The following LAMTOR1 variants were observed in gnomAD, a reference collection of about 807,000 sequenced individuals.
The protein encoded by LAMTOR1 is ragulator complex protein LAMTOR1.
Under a neutral mutation model 20.5 loss-of-function variants are expected in LAMTOR1, and 8 were observed. That is an observed-to-expected ratio of 0.39 (90% CI 0.23 to 0.70). The LOEUF (loss-of-function observed/expected upper bound fraction) is 0.70, where lower values mean the gene tolerates loss of function less well. Among genes scored for constraint, LAMTOR1 ranks in the 30% least tolerant of loss-of-function variants. The probability of loss-of-function intolerance (pLI) is 0.43; values close to 1 mark genes in which losing one functional copy is unlikely to be tolerated. For missense variants in LAMTOR1, 135 were observed against 206.2 expected, an observed-to-expected ratio of 0.65 and a Z score of 2.11; for synonymous variants, 77 against 80.9, an observed-to-expected ratio of 0.95 and a Z score of 0.26.
At chr11:72,098,216 G>C (rs1384722349) in intron 4 of LAMTOR1, 73 bp downstream of exon 4, 2 of 1,581,754 alleles carry the variant, frequency 1.3e-6, no homozygotes, top group Non-Finnish European at 8.6e-7. Flanking sequence ...CTCTGAGGCA[G>C]AGTGGGTGAA....
At chr11:72,098,679 C>T in intron 3 of LAMTOR1, 102 bp downstream of exon 3, 1 of 923,198 alleles carries the variant, frequency 1.1e-6, no homozygotes, top group Non-Finnish European at 1.6e-6. Context: ...AGGGCTGCAC[C>T]AAATGAGAAG....
intron 4 of LAMTOR1, 158 bp from the exon 5 acceptor site, chr11:72,098,072 A>G (rs1945293734): frequency 9.4e-7 from 1 of 1,060,828 alleles, no homozygotes; most frequent in African/African-American, 1.6e-5. Context: ...ACAGAAGGAA[A>G]AGAACAAAGG....
In LAMTOR1 at chr11:72,099,111, C is replaced by T; in HGVS notation, c.188G>A (p.Ser63Asn). The T allele has an allele frequency of 2.5e-6, 4 of 1,613,862 alleles. No homozygotes were observed. Among genetic ancestry groups the T allele is most frequent in the Non-Finnish European group, 1.7e-6 (2 of 1,179,982 alleles). Residue 63 changes from serine to asparagine, a missense_variant and splice_region_variant, in exon 2 of 5, where the codon AGC becomes AAC. Physicochemically the swap from Ser to Asn is conservative, Grantham distance 46 (BLOSUM62 1). Coordinates refer to ENST00000278671, the MANE Select transcript of LAMTOR1 (RefSeq NM_017907.3). Reference sequence around the variant, plus strand: ...CCAGGCCTGGTCCTCTGACACTTACCTGGCTGTCTTGGCAAGGATGGAAGA... The same window carrying T: ...CCAGGCCTGGTCCTCTGACACTTACTTGGCTGTCTTGGCAAGGATGGAAGA... ...LLSSILAKTA[S>N]NIIDVSAADS...
At chr11:72,098,077 C>T (rs996976220) in intron 4 of LAMTOR1, 163 bp from the exon 5 acceptor site, 41 of 1,040,790 alleles carry the variant, frequency 3.9e-5, no homozygotes, top group African/African-American at 8.0e-5. Context: ...AGGAAAAGAA[C>T]AAAGGGGAGT....
chr11:72,097,749 G>T lies in LAMTOR1; in HGVS notation c.*73C>A. 6.2e-7 allele frequency: 1 copy of T among 1,612,462 alleles called. No individual in the cohort carries two copies. On this transcript the variant is annotated 3_prime_UTR_variant, in exon 5 of 5. Transcript: ENST00000278671. ...GTTAGGGTACTGTATAAGCCGCAGT[G>T]AGGCTGGGGGCCAAGGGGGTGGGGT... is the stretch of plus-strand genomic sequence containing the variant.
At chr11:72,101,418 A>G (rs1047381563) in intron 1 of LAMTOR1, among the ~76,000 whole-genome samples, 9 of 152,212 alleles carry the variant, frequency 5.9e-5, no homozygotes, top group Admixed American at 5.9e-4. Context: ...CCCCATGGAT[A>G]AAGTACATGG....
chr11:72,101,431 T>C (rs1346301287), intron 1 of LAMTOR1, among the ~76,000 whole-genome samples: 1 of 152,208 alleles, frequency 6.6e-6, no homozygotes, highest in Non-Finnish European at 1.5e-5. Context: ...GTACATGGCC[T>C]AGCGTCAGAA....
intron 1 of LAMTOR1, among the ~76,000 whole-genome samples, chr11:72,102,003 C>A (rs1007285686): frequency 6.6e-6 from 1 of 152,150 alleles, no homozygotes; most frequent in Non-Finnish European, 1.5e-5. Flanking sequence ...GTATTAGGCA[C>A]AACACATGCC....
chr11:72,097,718 T>C lies in LAMTOR1; in HGVS notation c.*104A>G. The C allele has an allele frequency of 6.3e-7, 1 of 1,576,798 alleles. No homozygotes were observed. Among genetic ancestry groups the C allele is most frequent in the Non-Finnish European group, 8.6e-7 (1 of 1,159,744 alleles). On this transcript the variant is annotated 3_prime_UTR_variant, in exon 5 of 5. Coordinates refer to ENST00000278671, the MANE Select transcript of LAMTOR1 (RefSeq NM_017907.3). ...TCTTCACATTTTTCTCTGTGATTAGTAGCAGGTTAGGGTACTGTATAAGCC... is the reference window on the plus strand; with the variant it reads ...TCTTCACATTTTTCTCTGTGATTAGCAGCAGGTTAGGGTACTGTATAAGCC...
At chr11:72,100,591 A>G (rs1945402238) in intron 1 of LAMTOR1, 1 of 152,278 alleles carries the variant, frequency 6.6e-6, no homozygotes, top group Non-Finnish European at 1.5e-5. Context: ...GAACAAAGCC[A>G]AGGATGGGCC....
chr11:72,102,287 A>C (rs1945471311), intron 1 of LAMTOR1, among the ~76,000 whole-genome samples: 1 of 152,366 alleles, frequency 6.6e-6, no homozygotes, highest in Non-Finnish European at 1.5e-5. Context: ...GACGATCAAA[A>C]AAGGAGAGTA....
At chr11:72,098,142 C>T (rs967407085) in intron 4 of LAMTOR1, 147 bp downstream of exon 4, 36 of 1,112,832 alleles carry the variant, frequency 3.2e-5, no homozygotes, top group African/African-American at 1.1e-4. Context: ...GTTAAGAGAA[C>T]GAGGTGGGAG....
At chr11:72,098,507 C>G (rs1408417270) in intron 3 of LAMTOR1, 92 bp from the exon 4 acceptor site, 9 of 1,458,164 alleles carry the variant, frequency 6.2e-6, no homozygotes, top group Non-Finnish European at 6.5e-6. Context: ...GCCAGAGAAG[C>G]AGGGTGTCGA....
intron 4 of LAMTOR1, 42 bp downstream of exon 4, chr11:72,098,247 A>T: frequency 1.2e-6 from 2 of 1,609,326 alleles, no homozygotes; most frequent in Non-Finnish European, 1.7e-6. Flanking sequence ...TACCCTGGGC[A>T]GTGTGAGAAG....
At chr11:72,101,546 G>A (rs10898820) in intron 1 of LAMTOR1, among the ~76,000 whole-genome samples, 57,933 of 152,116 alleles carry the variant, frequency 0.38, 12,899 homozygotes, top group South Asian at 0.51. Context: ...ACGGATGTCT[G>A]GCAAGAGTCA....
chr11:72,097,876 A>G lies in LAMTOR1; in HGVS notation c.432T>C (p.Ser144=). 1 of 1,611,898 alleles carries G rather than the reference A, an allele frequency of 6.2e-7. No homozygotes were observed. Among genetic ancestry groups the G allele is most frequent in the South Asian group, 1.1e-5 (1 of 90,998 alleles). The change falls in exon 5 of 5, where the codon TCT becomes TCC. Residue 144 remains serine, a synonymous_variant. Coordinates refer to ENST00000278671, the MANE Select transcript of LAMTOR1 (RefSeq NM_017907.3). ...CCTCTTTTGCGTCCACACGGATCTG[A>G]GAAAGTGCACTGTAGGCATAAGCAG... ...RIAAYAYSAL[S]QIRVDAKEEL... is the part of the protein sequence containing the mutation.
intron 1 of LAMTOR1, among the ~76,000 whole-genome samples, chr11:72,101,789 A>G (rs1337481740): frequency 6.6e-6 from 1 of 152,140 alleles, no homozygotes; most frequent in Non-Finnish European, 1.5e-5. Context: ...AGGAGAAGGT[A>G]GAGATTCAGG....
chr11:72,103,215 A>T lies in LAMTOR1; in HGVS notation c.10T>A (p.Cys4Ser). Residue 4 changes from cysteine to serine, a missense_variant, in exon 1 of 5, where the codon TGC becomes AGC. By Grantham distance (112) the Cys-to-Ser change is moderately radical. Coordinates refer to ENST00000278671, the MANE Select transcript of LAMTOR1 (RefSeq NM_017907.3). MGC[C>S]YSSENEDSDQ... ...GAGTCCTCGTTCTCGCTGCTGTAGC[A>T]GCACCCCATGGCCGGGGTCGGGCCG... 6.4e-7 allele frequency: 1 copy of T among 1,574,158 alleles called. No homozygotes were observed. Among genetic ancestry groups the T allele is most frequent in the Non-Finnish European group, 8.6e-7 (1 of 1,159,564 alleles).
intron 2 of LAMTOR1, 52 bp from the exon 3 acceptor site, chr11:72,098,910 A>C: frequency 6.8e-7 from 1 of 1,464,534 alleles, no homozygotes; most frequent in Non-Finnish European, 9.2e-7. Flanking sequence ...GAGAAGGACA[A>C]ACAGGACTCA....
Sources: gnomAD v4.1 joint callset for allele counts (sites outside exome capture counted in the v4.1 genomes callset) on GRCh38, gnomAD v4.1.1 for gene constraint, MANE v1.5 for transcripts, NCBI Gene and HGNC (gene_info 2026-07-23, HGNC 2026-07-21) for gene names.